The following CACNA1H variants were observed in gnomAD, a reference collection of about 807,000 sequenced individuals.
CACNA1H encodes voltage-dependent T-type calcium channel subunit alpha-1H.
CACNA1H carries 149 observed loss-of-function variants against 192.5 expected under a neutral mutation model. The observed-to-expected ratio is 0.77, with a 90% CI of 0.68 to 0.89. The LOEUF is 0.89. CACNA1H is among the 40% of genes least tolerant of loss of function. The pLI is 0.00. For missense variants in CACNA1H, 4,257 were observed against 3,423.5 expected, an observed-to-expected ratio of 1.24 and a Z score of -6.08; for synonymous variants, 2,202 against 1,475.2, an observed-to-expected ratio of 1.49 and a Z score of -11.29.
chr16:1,204,416 C>T lies in CACNA1H; in HGVS notation c.2409C>T (p.Ile803=), dbSNP rs977661130. 3.2e-6 allele frequency: 5 copies of T among 1,551,846 alleles called. No individual in the cohort carries two copies. The African/African-American group carries it at 5.4e-5, about 17-fold the overall frequency. Residue 803 remains isoleucine, a synonymous_variant, in exon 10 of 35, where the codon ATC becomes ATT. Coordinates refer to ENST00000348261, the MANE Select transcript of CACNA1H (RefSeq NM_021098.3). ...TCAGCCGTGGCATCATGATGGCCAT[C>T]CTTGTCAACACGCTGAGCATGGGCG... ...KYFSRGIMMA[I]LVNTLSMGVE...
At position 1,221,288 on chromosome 16, in the gene CACNA1H, C is replaced by T. The variant is rs1001003807; in HGVS notation, c.*294C>T. ...CAGGAGAGAAGCCGCGTCTGTGGGACGAAGACCGGGCACCCGCCAGAGAGG... is the reference window on the plus strand; with the variant it reads ...CAGGAGAGAAGCCGCGTCTGTGGGATGAAGACCGGGCACCCGCCAGAGAGG... On this transcript the variant is annotated 3_prime_UTR_variant, in exon 35 of 35. Transcript: ENST00000348261. 5 of 423,610 alleles carry T rather than the reference C, an allele frequency of 1.2e-5. No individual in the cohort carries two copies. Among genetic ancestry groups the T allele is most frequent in the Admixed American group, 4.0e-5 (1 of 25,022 alleles). 26.2% of individuals were successfully genotyped at this position (423,610 alleles called of 1,614,324 possible).
chr16:1,214,324 C>A (rs547434599), intron 27 of CACNA1H, among the ~76,000 whole-genome samples: 212 of 152,356 alleles, frequency 1.4e-3, no homozygotes, highest in Non-Finnish European at 2.0e-3. Context: ...GTCCTCCCAG[C>A]CTTTTAGAAG....
chr16:1,204,405 A>G lies in CACNA1H; in HGVS notation c.2398A>G (p.Met800Val), dbSNP rs1181394824. The G allele has an allele frequency of 3.9e-6, 6 of 1,554,538 alleles. No individual in the cohort carries two copies. The highest frequency in any genetic ancestry group is 5.2e-6 in the Non-Finnish European group (6 of 1,151,136). Residue 800 changes from methionine (M) to valine (V), a missense_variant, in exon 10 of 35, where the codon ATG (methionine) becomes GTG (valine). Transcript: ENST00000348261. ...VDSKYFSRGI[M>V]MAILVNTLSM... ...CAGCAAGTACTTCAGCCGTGGCATC[A>G]TGATGGCCATCCTTGTCAACACGCT...
At position 1,202,091 on chromosome 16, in the gene CACNA1H, C is replaced by T. The variant is rs1968003439; in HGVS notation, c.1641C>T (p.Asp547=). The T allele has an allele frequency of 1.9e-6, 3 of 1,543,920 alleles. No homozygotes were observed. Among genetic ancestry groups the T allele is most frequent in the South Asian group, 1.2e-5 (1 of 83,952 alleles). Residue 547 remains aspartate (D), a synonymous_variant, in exon 9 of 35, where the codon GAC becomes GAT. Coordinates refer to ENST00000348261, the MANE Select transcript of CACNA1H (RefSeq NM_021098.3). The part of the protein sequence containing the change: ...RRPGPEPGAC[D]TRLVRAGAPP... ...CCGGCCCCGAGCCAGGCGCCTGCGA[C>T]ACCAGGCTGGTCCGAGCTGGCGCGC...
chr16:1,157,988 G>A (rs1245407073), intron 2 of CACNA1H: 4 of 149,482 alleles, frequency 2.7e-5, no homozygotes, highest in Non-Finnish European at 5.9e-5. Flanking sequence ...TGGCGCCCTT[G>A]CCCGTGGCAC....
chr16:1,218,524 C>T lies in CACNA1H; in HGVS notation c.5760C>T (p.Ser1920=), dbSNP rs144424401. ...CAAACCTGGTTGCACGCAAGGTGTC[C>T]GTGTCCAGGATGCTCTCGCTGCCCA... ...DAPNLVARKV[S]VSRMLSLPND... is the part of the protein sequence containing the mutation. Residue 1920 remains serine, a synonymous_variant, in exon 33 of 35, where the codon TCC becomes TCT. Transcript: ENST00000348261. 564 of 1,554,700 alleles carry T rather than the reference C, an allele frequency of 3.6e-4. 4 individuals carry two copies. In the East Asian group the frequency reaches 0.013, roughly 35 times the overall value.
Position 1,208,205 on chromosome 16 carries a change from G to A in CACNA1H, c.3347G>A (p.Gly1116Glu), listed in dbSNP as rs757299200. The change falls in exon 16 of 35, where the codon GGA becomes GAA. Residue 1116 changes from glycine (G) to glutamate (E), a missense_variant. Physicochemically the swap from Gly to Glu is moderately conservative, Grantham distance 98. Coordinates refer to ENST00000348261, the MANE Select transcript of CACNA1H (RefSeq NM_021098.3). ...AGCAGCTCCGGGGACCCGCCACTGG[G>A]AGACCAGAAGCCTCCGGTAGGGACC... ...GSSSSGDPPL[G>E]DQKPPASLRS... 6 of 1,563,690 alleles carry A rather than the reference G, an allele frequency of 3.8e-6. No individual in the cohort carries two copies. Among genetic ancestry groups the A allele is most frequent in the South Asian group, 1.2e-5 (1 of 85,072 alleles).
intron 30 of CACNA1H, among the ~76,000 whole-genome samples, chr16:1,216,523 G>A (rs1474169655): frequency 6.6e-6 from 1 of 152,230 alleles, no homozygotes; most frequent in Non-Finnish European, 1.5e-5. Flanking sequence ...GTGCTGGCCT[G>A]GGCCCCGCCA....
At chr16:1,174,487 C>CAG (rs1249621549) in intron 2 of CACNA1H, among the ~76,000 whole-genome samples, 2 of 152,010 alleles carry the variant, frequency 1.3e-5, no homozygotes, top group African/African-American at 4.8e-5. Context: ...CTGGACTCTG[C>CAG]AGGGTGGCAG....
chr16:1,206,220 T>G lies in CACNA1H; in HGVS notation c.2720T>G (p.Val907Gly). Residue 907 changes from valine (V) to glycine (G), a missense_variant, in exon 12 of 35, where the codon GTG (valine) becomes GGG (glycine). Coordinates refer to ENST00000348261, the MANE Select transcript of CACNA1H (RefSeq NM_021098.3). ...FLPALRRQLV[V>G]LVKTMDNVAT... ...CCAGCCCTGCGGCGCCAGCTCGTGG[T>G]GCTGGTGAAGACCATGGACAACGTG... The G allele has an allele frequency of 6.3e-7, 1 of 1,592,806 alleles. No homozygotes were observed. Among genetic ancestry groups the G allele is most frequent in the Non-Finnish European group, 8.5e-7 (1 of 1,170,638 alleles).
rs78641259 is a variant in CACNA1H, at chr16:1,159,142, C to T, written c.299+5106C>T. On this transcript the variant is annotated intron_variant, in intron 2 of 34. Transcript: ENST00000348261. ...GTGCAGAGTGGGGAGAGCCTCTGAACGCCTTGGCAGACGTCTTCATGGCCA... is the reference window on the plus strand; with the variant it reads ...GTGCAGAGTGGGGAGAGCCTCTGAATGCCTTGGCAGACGTCTTCATGGCCA... Among the ~76,000 whole-genome samples the T allele has an allele frequency of 3.0e-4, 45 of 152,328 alleles. No individual in the cohort carries two copies. In the East Asian group the frequency reaches 8.3e-3, roughly 28 times the overall value.
At chr16:1,190,624 C>T (rs575544338) in intron 2 of CACNA1H, among the ~76,000 whole-genome samples, 2 of 152,378 alleles carry the variant, frequency 1.3e-5, no homozygotes, top group South Asian at 4.1e-4. Context: ...CCTGTCACGT[C>T]CTCTGTCGTG....
Position 1,202,303 on chromosome 16 carries a change from C to T in CACNA1H, c.1853C>T (p.Pro618Leu), listed in dbSNP as rs60734921. 9.2e-4 allele frequency: 1,457 copies of T among 1,585,064 alleles called. 3 individuals carry two copies. Among genetic ancestry groups the T allele is most frequent in the Non-Finnish European group, 1.2e-3 (1,362 of 1,167,924 alleles). The change falls in exon 9 of 35, where the codon CCC becomes CTC. Residue 618 changes from proline to leucine, a missense_variant. Transcript: ENST00000348261. ...LGTMNYPTILPSGVGSGKGST... is the reference protein window; with the variant it reads ...LGTMNYPTILLSGVGSGKGST... ...ACCATGAACTACCCCACGATCCTGC[C>T]CTCAGGGGTGGGCAGCGGCAAAGGC... is the stretch of plus-strand genomic sequence containing the variant.
intron 27 of CACNA1H, among the ~76,000 whole-genome samples, chr16:1,214,251 A>T (rs1177022461): frequency 4.6e-5 from 7 of 152,148 alleles, no homozygotes; most frequent in Non-Finnish European, 8.8e-5. Context: ...GGCAGGCCTG[A>T]GGTGGAGTTT....
At chr16:1,195,672 G>A (rs1160774216) in intron 4 of CACNA1H, 107 bp downstream of exon 4, 1 of 1,334,310 alleles carries the variant, frequency 7.5e-7, no homozygotes, top group Non-Finnish European at 1.0e-6. Context: ...GTGTTCTAGA[G>A]GGATCCAGGT....
chr16:1,212,096 C>T lies in CACNA1H; in HGVS notation c.4717C>T (p.Arg1573Ter), dbSNP rs1567543511. ...QHQEAEEARR[R>*]EEKRLRRLER... ...CCAGGAGGCGGAGGAGGCGCGGCGG[C>T]GAGAGGAGAAGCGGCTGCGGCGCCT... Residue 1573 changes from arginine (R) to a stop codon, truncating the protein, a stop_gained, in exon 25 of 35, where the codon CGA becomes TGA. Transcript: ENST00000348261. LOFTEE classifies it high-confidence loss of function. 3.7e-6 allele frequency: 6 copies of T among 1,611,560 alleles called. No individual in the cohort carries two copies. Among genetic ancestry groups the T allele is most frequent in the Non-Finnish European group, 3.4e-6 (4 of 1,179,586 alleles).
At position 1,195,557 on chromosome 16, in the gene CACNA1H, C is replaced by A. The variant is rs368785828; in HGVS notation, c.537C>A (p.Val179=). The A allele has an allele frequency of 1.9e-6, 3 of 1,591,858 alleles. No individual in the cohort carries two copies. The highest frequency in any genetic ancestry group is 1.1e-5 in the South Asian group (1 of 87,326). ...GGAACAGGCTGGATTTCTTCATCGT[C>A]GTGGCGGGGTAGGCCCCGCCTGGGA... ...DTWNRLDFFI[V]VAGMMEYSLD... The change falls in exon 4 of 35, where the codon GTC becomes GTA. Residue 179 remains valine, a synonymous_variant. Transcript: ENST00000348261.
intron 34 of CACNA1H, among the ~76,000 whole-genome samples, chr16:1,219,538 C>T (rs764333450): frequency 1.3e-5 from 2 of 152,226 alleles, no homozygotes; most frequent in South Asian, 2.1e-4. Context: ...TCAGTCCTGG[C>T]TTGTGTTCAG....
At chr16:1,198,869 T>G in intron 6 of CACNA1H, 95 bp downstream of exon 6, 1 of 1,237,814 alleles carries the variant, frequency 8.1e-7, no homozygotes, top group Non-Finnish European at 1.1e-6. Context: ...CACGTGGCTC[T>G]GCCCACCGTG....
Sources: allele counts gnomAD v4.1 joint callset (sites outside exome capture counted in the v4.1 genomes callset), GRCh38; gene constraint gnomAD v4.1.1; transcripts MANE v1.5; gene names NCBI Gene and HGNC (gene_info 2026-07-23, HGNC 2026-07-21).